Variants in CCL7 observed in about 807,000 individuals in gnomAD.
The protein encoded by CCL7 is C-C motif chemokine 7.
CCL7 carries 8 observed loss-of-function variants against 7.1 expected under a neutral mutation model. The observed-to-expected ratio is 1.13, with a 90% CI of 0.66 to 2.04. The LOEUF is 2.04. CCL7 is among the 30% of genes most tolerant of loss of function. The pLI, the probability that CCL7 is intolerant of heterozygous loss-of-function variation, is 0.00. For missense variants in CCL7, 134 were observed against 113.6 expected (o/e 1.18, Z -0.82); for synonymous variants, 46 against 41.2 (o/e 1.12, Z -0.45).
chr17:34,271,184 A>G lies in CCL7; in HGVS notation c.115A>G (p.Ile39Val), dbSNP rs1908136775. Residue 39 changes from isoleucine to valine, a missense_variant, in exon 2 of 3, where the codon ATC (isoleucine) becomes GTC (valine). Transcript: ENST00000378569. ...TTCAACTACCTGCTGCTACAGATTT[A>G]TCAATAAGAAAATCCCTAAGCAGAG... ...NTSTTCCYRF[I>V]NKKIPKQRLE... The G allele has an allele frequency of 1.2e-6, 2 of 1,613,996 alleles. No individual in the cohort carries two copies.
Position 34,271,943 on chromosome 17 carries a change from T to C in CCL7, c.*141T>C, listed in dbSNP as rs1908189719. 1.7e-6 allele frequency: 1 copy of C among 596,744 alleles called. No homozygotes were observed. The allele number at this position is 596,744 out of a possible 1,614,324, so 37.0% of individuals were successfully genotyped here. ...CTTTATGTAATAATGTGAATCATGG[T>C]TTTTCTTAGTAGATTTTAAAAGTTA... is the stretch of plus-strand genomic sequence containing the variant. On this transcript the variant is annotated 3_prime_UTR_variant, in exon 3 of 3. Transcript: ENST00000378569.
intron 1 of CCL7, among the ~76,000 whole-genome samples, chr17:34,270,690 G>C (rs1392748827): frequency 6.6e-6 from 1 of 152,150 alleles, no homozygotes; most frequent in Non-Finnish European, 1.5e-5. Flanking sequence ...CTGGGGATGG[G>C]TGTGCGGGCT....
At chr17:34,271,386 C>A in intron 2 of CCL7, 123 bp downstream of exon 2, 5 of 789,324 alleles carry the variant, frequency 6.3e-6, no homozygotes, top group South Asian at 3.7e-5. Context: ...CATCTCTAAC[C>A]TTATCCCAGA....
chr17:34,270,942 G>T (rs1908116821), intron 1 of CCL7: 1 of 1,080,144 alleles, frequency 9.3e-7, no homozygotes, highest in Non-Finnish European at 1.3e-6. Context: ...TGGTGATGGT[G>T]CATCCCTATT....
At position 34,271,721 on chromosome 17, in the gene CCL7, G is replaced by T. The variant is rs202219506; in HGVS notation, c.219G>T (p.Glu73Asp). 209 of 1,610,886 alleles carry T rather than the reference G, an allele frequency of 1.3e-4. No individual in the cohort carries two copies. The highest frequency in any genetic ancestry group is 1.4e-5 in the Non-Finnish European group (16 of 1,179,102). Residue 73 changes from glutamate (E) to aspartate (D), a missense_variant, in exon 3 of 3, where the codon GAG becomes GAT. Transcript: ENST00000378569. The part of the protein sequence containing the change: ...AVIFKTKLDK[E>D]ICADPTQKWV... The stretch of plus-strand genomic sequence containing the variant: ...GCTTCAAGACCAAACTGGACAAGGA[G>T]ATCTGTGCTGACCCCACACAGAAGT...
At chr17:34,270,895 C>T (rs1404331761) in intron 1 of CCL7, among the ~76,000 whole-genome samples, 1 of 152,178 alleles carries the variant, frequency 6.6e-6, no homozygotes, top group Non-Finnish European at 1.5e-5. Flanking sequence ...CCTAGCAATG[C>T]CCAGAGTAGC....
chr17:34,271,850 A>C lies in CCL7; in HGVS notation c.*48A>C. ...CAAGCCATGACTTGAGAAACAAATAATTTGTATACCCTGTCCTTTCTCAGA... is the reference window on the plus strand; with the variant it reads ...CAAGCCATGACTTGAGAAACAAATACTTTGTATACCCTGTCCTTTCTCAGA... On this transcript the variant is annotated 3_prime_UTR_variant, in exon 3 of 3. Coordinates refer to ENST00000378569, the MANE Select transcript of CCL7 (RefSeq NM_006273.4). 2 of 1,136,398 alleles carry C rather than the reference A, an allele frequency of 1.8e-6. No homozygotes were observed. Among genetic ancestry groups the C allele is most frequent in the Non-Finnish European group, 1.3e-6 (1 of 753,524 alleles). The allele number at this position is 1,136,398 out of a possible 1,614,324, so 70.4% of individuals were successfully genotyped here. A position where few individuals can be genotyped will look rare whatever the true frequency, so the allele number is the denominator to read the frequency against.
intron 1 of CCL7, 37 bp downstream of exon 1, chr17:34,270,403 C>G (rs1219392987): frequency 5.2e-6 from 8 of 1,550,644 alleles, no homozygotes; most frequent in Non-Finnish European, 7.1e-6. Context: ...AAGCACATTG[C>G]CCCCTCTCTG....
chr17:34,271,212 T>C lies in CCL7; in HGVS notation c.143T>C (p.Leu48Pro), dbSNP rs1183410018. ...FINKKIPKQR[L>P]ESYRRTTSSH... ...AATAAGAAAATCCCTAAGCAGAGGC[T>C]GGAGAGCTACAGAAGGACCACCAGT... The change falls in exon 2 of 3, where the codon CTG (leucine) becomes CCG (proline). Residue 48 changes from leucine to proline, a missense_variant. By Grantham distance (98) the Leu-to-Pro change is moderately conservative (BLOSUM62 -3). Coordinates refer to ENST00000378569, the MANE Select transcript of CCL7 (RefSeq NM_006273.4). 2 of 1,614,004 alleles carry C rather than the reference T, an allele frequency of 1.2e-6. No homozygotes were observed. The highest frequency in any genetic ancestry group is 4.5e-5 in the East Asian group (2 of 44,882).
chr17:34,270,396 C>A (rs200985844), intron 1 of CCL7, 30 bp downstream of exon 1: 45 of 1,574,620 alleles, frequency 2.9e-5, no homozygotes, highest in Admixed American at 1.0e-4. Context: ...CTCCTTGAAG[C>A]ACATTGCCCC....
intron 2 of CCL7, 61 bp downstream of exon 2, chr17:34,271,324 G>A: frequency 1.5e-6 from 2 of 1,333,796 alleles, no homozygotes; most frequent in Non-Finnish European, 2.1e-6. Flanking sequence ...CCTGGGCAGG[G>A]AATAGGACTA....
chr17:34,271,690 T>A lies in CCL7; in HGVS notation c.195-7T>A, dbSNP rs201038400. 3.1e-5 allele frequency: 50 copies of A among 1,596,418 alleles called. No homozygotes were observed. The East Asian group carries it at 1.0e-3, about 33-fold the overall frequency. Reference sequence around the variant, plus strand: ...TTCCATCTGACTGTCTCCTTTCTGCTCCACAGCTTCAAGACCAAACTGGAC... The same window carrying A: ...TTCCATCTGACTGTCTCCTTTCTGCACCACAGCTTCAAGACCAAACTGGAC... On this transcript the variant is annotated splice_polypyrimidine_tract_variant and splice_region_variant and intron_variant, in intron 2 of 2. Coordinates refer to ENST00000378569, the MANE Select transcript of CCL7 (RefSeq NM_006273.4).
At position 34,271,227 on chromosome 17, in the gene CCL7, G is replaced by C. The variant is rs199870334; in HGVS notation, c.158G>C (p.Arg53Thr). ...IPKQRLESYR[R>T]TTSSHCPREA... ...AAGCAGAGGCTGGAGAGCTACAGAA[G>C]GACCACCAGTAGCCACTGTCCCCGG... The change falls in exon 2 of 3, where the codon AGG becomes ACG. Residue 53 changes from arginine (R) to threonine (T), a missense_variant. Transcript: ENST00000378569. The C allele has an allele frequency of 3.7e-6, 6 of 1,613,958 alleles. No homozygotes were observed. Among genetic ancestry groups the C allele is most frequent in the Non-Finnish European group, 5.1e-6 (6 of 1,180,014 alleles).
intron 1 of CCL7, 90 bp downstream of exon 1, chr17:34,270,456 C>G (rs1221878848): frequency 4.0e-6 from 4 of 1,001,478 alleles, no homozygotes; most frequent in Non-Finnish European, 6.1e-6. Flanking sequence ...CCCACAGTCT[C>G]ACTTTAACAG....
intron 2 of CCL7, 51 bp downstream of exon 2, chr17:34,271,314 C>G (rs1205650091): frequency 1.4e-6 from 2 of 1,475,132 alleles, no homozygotes; most frequent in African/African-American, 2.8e-5. Flanking sequence ...TAGGTTCTTC[C>G]CTGGGCAGGG....
At chr17:34,271,109 C>G (rs201000444) in intron 1 of CCL7, 37 bp from the exon 2 acceptor site, 2 of 1,613,904 alleles carry the variant, frequency 1.2e-6, no homozygotes, top group South Asian at 1.1e-5. Flanking sequence ...CCAGGACACA[C>G]CCTCAATGGA....
Position 34,272,134 on chromosome 17 carries a change from T to C in CCL7, c.*332T>C. The C allele has an allele frequency of 5.1e-6, 1 of 197,526 alleles. No homozygotes were observed. The highest frequency in any genetic ancestry group is 1.0e-5 in the Non-Finnish European group (1 of 98,506). The allele number at this position is 197,526 out of a possible 1,614,324, so 12.2% of individuals were successfully genotyped here. A position where few individuals can be genotyped will look rare whatever the true frequency, so the allele number is the denominator to read the frequency against. ...CAAGAATCAGTGCAAAGATTTGCTT[T>C]AATTGTTAAGATATGATGTCCCTAT... On this transcript the variant is annotated 3_prime_UTR_variant, in exon 3 of 3. Coordinates refer to ENST00000378569, the MANE Select transcript of CCL7 (RefSeq NM_006273.4).
Position 34,271,738 on chromosome 17 carries a change from C to T in CCL7, c.236C>T (p.Thr79Ile), listed in dbSNP as rs41362546. 6.3e-5 allele frequency: 102 copies of T among 1,613,372 alleles called. 1 individual carries two copies. The East Asian group carries it at 1.3e-3, about 21-fold the overall frequency. The change falls in exon 3 of 3, where the codon ACA becomes ATA. Residue 79 changes from threonine to isoleucine, a missense_variant. By Grantham distance (89) the Thr-to-Ile change is moderately conservative. Coordinates refer to ENST00000378569, the MANE Select transcript of CCL7 (RefSeq NM_006273.4). ...GACAAGGAGATCTGTGCTGACCCCACACAGAAGTGGGTCCAGGACTTTATG... is the reference window on the plus strand; with the variant it reads ...GACAAGGAGATCTGTGCTGACCCCATACAGAAGTGGGTCCAGGACTTTATG... ...KLDKEICADPTQKWVQDFMKH... is the reference protein window; with the variant it reads ...KLDKEICADPIQKWVQDFMKH...
At chr17:34,270,710 T>C (rs762443989) in intron 1 of CCL7, among the ~76,000 whole-genome samples, 1 of 152,130 alleles carries the variant, frequency 6.6e-6, no homozygotes, top group South Asian at 2.1e-4. Flanking sequence ...TGTTTCCAGA[T>C]ACCGGGAGAC....
Sources: allele counts gnomAD v4.1 joint callset (sites outside exome capture counted in the v4.1 genomes callset), GRCh38; gene constraint gnomAD v4.1.1; transcripts MANE v1.5; gene names NCBI Gene and HGNC (gene_info 2026-07-23, HGNC 2026-07-21).